The following CBFA2T2 variants were observed in gnomAD, a reference collection of about 807,000 sequenced individuals.
CBFA2T2 encodes the protein protein CBFA2T2.
In CBFA2T2, 11 loss-of-function variants were observed where a neutral mutation model predicts 62.2. The ratio of observed to expected loss-of-function variants is 0.18; its 90% CI spans 0.11 to 0.29. CBFA2T2 has a LOEUF of 0.29. CBFA2T2 is among the 10% of genes least tolerant of loss of function. CBFA2T2 has a pLI of 1.00. For synonymous variants in CBFA2T2, 295 were observed against 287.5 expected (o/e 1.03, Z -0.27); for missense variants, 592 against 774.1 (o/e 0.76, Z 2.79).
intron 1 of CBFA2T2, among the ~76,000 whole-genome samples, chr20:33,541,752 G>T (rs1046922937): frequency 6.6e-6 from 1 of 152,154 alleles, no homozygotes; most frequent in South Asian, 2.1e-4. Context: ...AGCTGGAAGA[G>T]ACTTTTTCTA....
intron 1 of CBFA2T2, among the ~76,000 whole-genome samples, chr20:33,551,496 G>T (rs1045807911): frequency 6.6e-6 from 1 of 152,000 alleles, no homozygotes; most frequent in Non-Finnish European, 1.5e-5. Flanking sequence ...GATTACAGGT[G>T]TGAGCCACCA....
At chr20:33,515,813 A>G (rs1045752179) in intron 1 of CBFA2T2, among the ~76,000 whole-genome samples, 2 of 151,668 alleles carry the variant, frequency 1.3e-5, no homozygotes, top group Non-Finnish European at 2.9e-5. Flanking sequence ...AAAAAAAAAA[A>G]AAAAAAAACG....
rs189788042 is a variant in CBFA2T2 at position 33,603,380 on chromosome 20, C to A, written c.35-3576C>A. ...GACATACTTTTCCATTTTGACTCAT[C>A]AAGTTCTTTGGCTTCCCATGGTTTA... On this transcript the variant is annotated intron_variant, in intron 1 of 10. Transcript: ENST00000342704. Among the ~76,000 whole-genome samples the A allele has an allele frequency of 2.6e-4, 39 of 152,296 alleles. No homozygotes were observed. The East Asian group carries it at 7.1e-3, about 28-fold the overall frequency.
intron 1 of CBFA2T2, among the ~76,000 whole-genome samples, chr20:33,499,319 C>T (rs950286783): frequency 2.0e-5 from 3 of 152,126 alleles, no homozygotes; most frequent in Non-Finnish European, 4.4e-5. Flanking sequence ...TAGAAAGTGA[C>T]CATTCTTTTG....
rs998118755 is a variant in CBFA2T2 at position 33,592,445 on chromosome 20, AAT to A, written c.35-14501_35-14500del. 6.8e-5 allele frequency among the ~76,000 whole-genome samples: 10 copies of A among 148,102 alleles called. No homozygotes were observed. In the South Asian group the frequency reaches 1.1e-3, roughly 16 times the overall value. On this transcript the variant is annotated intron_variant, in intron 1 of 10. Transcript: ENST00000342704. Reference sequence around the variant, plus strand: ...TGTAAAAATTATATATAATTATGTAAATATATATATAAAATTATGCTATGTAG... The same window carrying A: ...TGTAAAAATTATATATAATTATGTAAATATATATAAAATTATGCTATGTAG...
At chr20:33,598,184 G>A (rs545949288) in intron 1 of CBFA2T2, among the ~76,000 whole-genome samples, 1 of 152,286 alleles carries the variant, frequency 6.6e-6, no homozygotes, top group South Asian at 2.1e-4. Flanking sequence ...TAGCACCATT[G>A]TCATTGATAA....
rs1337886846 is a variant in CBFA2T2 at position 33,649,162 on chromosome 20, GA to G, written c.*4517del. ...TCAGTAGACCAAACCAACTTCCTTAGATTTTTTTTTTTAAGCTGTTTGCAGA... is the reference window on the plus strand; with the variant it reads ...TCAGTAGACCAAACCAACTTCCTTAGTTTTTTTTTTTAAGCTGTTTGCAGA... On this transcript the variant is annotated 3_prime_UTR_variant, in exon 11 of 11. Transcript: ENST00000342704. 1 of 151,648 alleles carries G rather than the reference GA, an allele frequency of 6.6e-6. No individual in the cohort carries two copies. Among genetic ancestry groups the G allele is most frequent in the Non-Finnish European group, 1.5e-5 (1 of 68,010 alleles). 9.4% of individuals were successfully genotyped at this position (151,648 alleles called of 1,614,324 possible). A position where few individuals can be genotyped will look rare whatever the true frequency, so the allele number is the denominator to read the frequency against.
intron 1 of CBFA2T2, among the ~76,000 whole-genome samples, chr20:33,590,698 A>G (rs574052569): frequency 1.1e-3 from 162 of 152,298 alleles, no homozygotes; most frequent in African/African-American, 3.8e-3. Context: ...GTGGCTTCCC[A>G]TAAAGAAAGC....
At chr20:33,574,124 GT>G in intron 1 of CBFA2T2, 1 of 1,583,818 alleles carries the variant, frequency 6.3e-7, no homozygotes. Context: ...GAGGATGGTA[GT>G]TTTTGTGGAG....
chr20:33,499,678 A>G (rs1279606168), intron 1 of CBFA2T2, among the ~76,000 whole-genome samples: 3 of 152,222 alleles, frequency 2.0e-5, no homozygotes, highest in Admixed American at 2.0e-4. Context: ...TTCTTTTAAG[A>G]AAAAGTCTTG....
intron 1 of CBFA2T2, among the ~76,000 whole-genome samples, chr20:33,577,473 C>A (rs2013883187): frequency 1.3e-5 from 2 of 152,100 alleles, no homozygotes; most frequent in African/African-American, 4.8e-5. Flanking sequence ...CTTAAATGGG[C>A]TCCTACATAA....
chr20:33,494,256 TATATATATATATA>T, intron 1 of CBFA2T2, among the ~76,000 whole-genome samples: 1 of 76,422 alleles, frequency 1.3e-5, no homozygotes, highest in Non-Finnish European at 2.5e-5. Flanking sequence ...TATATATATA[TATATATATATATA>T]TATATTTTTT....
intron 1 of CBFA2T2, among the ~76,000 whole-genome samples, chr20:33,507,472 A>C (rs947580651): frequency 6.6e-6 from 1 of 152,230 alleles, no homozygotes; most frequent in Non-Finnish European, 1.5e-5. Flanking sequence ...AACATAAAAA[A>C]ATAATTTTTG....
Position 33,644,526 on chromosome 20 carries a change from C to T in CBFA2T2, c.1668C>T (p.Gly556=). 6.2e-7 allele frequency: 1 copy of T among 1,614,048 alleles called. No homozygotes were observed. The highest frequency in any genetic ancestry group is 8.5e-7 in the Non-Finnish European group (1 of 1,180,000). Residue 556 remains glycine, a synonymous_variant, in exon 11 of 11, where the codon GGC becomes GGT. Coordinates refer to ENST00000342704, the MANE Select transcript of CBFA2T2 (RefSeq NM_001032999.3). ...QGRPLLPVGR[G]SSARSADCSV... is the part of the protein sequence containing the mutation. ...GGCCGCTGCTTCCTGTAGGCAGGGGCTCCTCTGCCAGGTCCGCCGACTGCA... is the reference window on the plus strand; with the variant it reads ...GGCCGCTGCTTCCTGTAGGCAGGGGTTCCTCTGCCAGGTCCGCCGACTGCA...
intron 1 of CBFA2T2, among the ~76,000 whole-genome samples, chr20:33,533,402 A>G (rs535087888): frequency 2.0e-5 from 3 of 152,310 alleles, no homozygotes; most frequent in African/African-American, 7.2e-5. Context: ...AAATCATACA[A>G]TATGCACTCC....
intron 1 of CBFA2T2, among the ~76,000 whole-genome samples, chr20:33,492,028 G>A (rs545006839): frequency 1.3e-5 from 2 of 151,916 alleles, no homozygotes; most frequent in South Asian, 2.1e-4. Flanking sequence ...GATTACAGGC[G>A]CCTGCCACCA....
chr20:33,492,540 A>T (rs2011155583), intron 1 of CBFA2T2, among the ~76,000 whole-genome samples: 1 of 151,616 alleles, frequency 6.6e-6, no homozygotes, highest in African/African-American at 2.4e-5. Flanking sequence ...TTTTTGAGAC[A>T]GTCTCTCTCT....
intron 1 of CBFA2T2, among the ~76,000 whole-genome samples, chr20:33,519,753 A>C (rs2011679832): frequency 6.6e-6 from 1 of 152,172 alleles, no homozygotes; most frequent in Admixed American, 6.6e-5. Context: ...CATTTTCAGC[A>C]GCAGGGTTCC....
rs2017073148 is a variant in CBFA2T2 at position 33,646,902 on chromosome 20, C to T, written c.*2256C>T. 1 of 151,664 alleles carries T rather than the reference C, an allele frequency of 6.6e-6. No individual in the cohort carries two copies. Among genetic ancestry groups the T allele is most frequent in the Non-Finnish European group, 1.5e-5 (1 of 67,962 alleles). The allele number at this position is 151,664 out of a possible 1,614,324, so 9.4% of individuals were successfully genotyped here. On this transcript the variant is annotated 3_prime_UTR_variant, in exon 11 of 11. Transcript: ENST00000342704. ...AGGCAAAATTAAAGAATTTCAAGTC[C>T]CTAATTTACTCTAACCAAGCATTTT...
Sources: gnomAD v4.1 joint callset for allele counts (sites outside exome capture counted in the v4.1 genomes callset) on GRCh38, gnomAD v4.1.1 for gene constraint, MANE v1.5 for transcripts, NCBI Gene and HGNC (gene_info 2026-07-23, HGNC 2026-07-21) for gene names.